Variants in MYO3B observed in about 807,000 individuals in gnomAD.
The protein encoded by MYO3B is myosin-IIIb.
MYO3B carries 156 observed loss-of-function variants against 174.6 expected under a neutral mutation model. The observed-to-expected ratio is 0.89, with a 90% CI of 0.78 to 1.02. The LOEUF (loss-of-function observed/expected upper bound fraction) is 1.02. MYO3B is among the 50% of genes least tolerant of loss of function. MYO3B has a pLI of 0.00. For missense variants in MYO3B, 1,632 were observed against 1,639.4 expected, an observed-to-expected ratio of 1.00 and a Z score of 0.08; for synonymous variants, 563 against 569.1, an observed-to-expected ratio of 0.99 and a Z score of 0.15.
chr2:170,408,927 G>A (rs1169289646), intron 22 of MYO3B, among the ~76,000 whole-genome samples: 1 of 152,114 alleles, frequency 6.6e-6, no homozygotes, highest in Non-Finnish European at 1.5e-5. Flanking sequence ...GAGCAGCCGG[G>A]GTTTAATTCA....
chr2:170,185,493 A>G (rs903414305), intron 1 of MYO3B, among the ~76,000 whole-genome samples: 7 of 152,108 alleles, frequency 4.6e-5, no homozygotes, highest in African/African-American at 1.7e-4. Flanking sequence ...ATTCTGTCCT[A>G]TTGGTCTATA....
At chr2:170,390,391 GC>G (rs1177707866) in intron 14 of MYO3B, among the ~76,000 whole-genome samples, 1 of 152,196 alleles carries the variant, frequency 6.6e-6, no homozygotes, top group African/African-American at 2.4e-5. Flanking sequence ...CCTCACCACT[GC>G]ACTCCAGCCT....
At chr2:170,480,791 G>A (rs1685641635) in intron 25 of MYO3B, among the ~76,000 whole-genome samples, 1 of 152,200 alleles carries the variant, frequency 6.6e-6, no homozygotes, top group African/African-American at 2.4e-5. Flanking sequence ...ACACACATTT[G>A]GTCATAGAAG....
chr2:170,606,979 C>T (rs905385957), intron 32 of MYO3B, among the ~76,000 whole-genome samples: 7 of 152,092 alleles, frequency 4.6e-5, no homozygotes, highest in Non-Finnish European at 5.9e-5. Flanking sequence ...CAGATAGCGC[C>T]ATTGCACTCC....
rs116468907 is a variant in MYO3B, at chr2:170,187,190, T to C, written c.2+8901T>C. ...CTGATCTTTATTATTTCTTTTCTTA[T>C]AGTAATTTTGGTTTTGGTTTGCTCT... is the stretch of plus-strand genomic sequence containing the variant. On this transcript the variant is annotated intron_variant, in intron 1 of 34. Transcript: ENST00000408978. Among the ~76,000 whole-genome samples, 465 of 152,204 alleles carry C rather than the reference T, an allele frequency of 3.1e-3. 1 individual carries two copies. The highest frequency in any genetic ancestry group is 0.01 in the African/African-American group (428 of 41,544).
intron 3 of MYO3B, 107 bp from the exon 4 acceptor site, chr2:170,214,272 A>G: frequency 1.2e-6 from 1 of 810,680 alleles, no homozygotes; most frequent in Non-Finnish European, 2.0e-6. Context: ...GTAATCTGCA[A>G]ATTTACTACA....
chr2:170,536,109 G>C (rs547421287), intron 30 of MYO3B, among the ~76,000 whole-genome samples: 10 of 152,188 alleles, frequency 6.6e-5, no homozygotes, highest in Non-Finnish European at 1.0e-4. Flanking sequence ...GGAGGGAAAA[G>C]AAAACAAATG....
intron 32 of MYO3B, among the ~76,000 whole-genome samples, chr2:170,637,455 G>A (rs566381619): frequency 2.9e-4 from 44 of 152,230 alleles, no homozygotes; most frequent in Non-Finnish European, 5.0e-4. Context: ...TTACAGGTGT[G>A]AGCCACCACG....
Position 170,528,828 on chromosome 2 carries a change from G to A in MYO3B, c.3575+9288G>A, listed in dbSNP as rs1689161151. 3.9e-5 allele frequency among the ~76,000 whole-genome samples: 6 copies of A among 152,102 alleles called. No individual in the cohort carries two copies. In the South Asian group the frequency reaches 1.2e-3, roughly 31 times the overall value. ...GAAGTCACATCATCATCCCCATCAA[G>A]GCCTTCAATGTGATCACCTGTGGAC... On this transcript the variant is annotated intron_variant, in intron 30 of 34. Transcript: ENST00000408978.
At chr2:170,375,347 C>T (rs2094283560) in intron 9 of MYO3B, among the ~76,000 whole-genome samples, 1 of 152,152 alleles carries the variant, frequency 6.6e-6, no homozygotes, top group Non-Finnish European at 1.5e-5. Flanking sequence ...ACTCGATTGT[C>T]TCTGCCACGA....
chr2:170,296,023 A>C (rs970527562), intron 7 of MYO3B, among the ~76,000 whole-genome samples: 1 of 152,182 alleles, frequency 6.6e-6, no homozygotes, highest in African/African-American at 2.4e-5. Context: ...TCCCTAGAAA[A>C]ATGGATAAAA....
intron 30 of MYO3B, among the ~76,000 whole-genome samples, chr2:170,520,638 C>T (rs1006815673): frequency 6.6e-6 from 1 of 151,818 alleles, no homozygotes; most frequent in Non-Finnish European, 1.5e-5. Context: ...CCTGTTTAGC[C>T]ACAGGTTTGA....
intron 22 of MYO3B, among the ~76,000 whole-genome samples, chr2:170,422,248 G>T (rs1345046588): frequency 6.6e-6 from 1 of 152,128 alleles, no homozygotes. Flanking sequence ...TGTTGCCAAG[G>T]CTGGAGTACA....
intron 7 of MYO3B, among the ~76,000 whole-genome samples, chr2:170,304,728 A>G (rs1461520690): frequency 2.0e-5 from 3 of 151,584 alleles, no homozygotes; most frequent in Admixed American, 6.6e-5. Context: ...CAGCCACCCA[A>G]AGTACTGGGA....
intron 7 of MYO3B, among the ~76,000 whole-genome samples, chr2:170,335,148 T>C (rs1180166591): frequency 6.6e-6 from 1 of 152,176 alleles, no homozygotes; most frequent in Non-Finnish European, 1.5e-5. Flanking sequence ...TCCTGATCTT[T>C]GTAACTTTCA....
At chr2:170,626,493 G>A (rs1238067759) in intron 32 of MYO3B, among the ~76,000 whole-genome samples, 1 of 152,166 alleles carries the variant, frequency 6.6e-6, no homozygotes, top group South Asian at 2.1e-4. Context: ...GATGGGTCTT[G>A]ACTTTTCATC....
At chr2:170,266,276 G>A (rs959742359) in intron 7 of MYO3B, among the ~76,000 whole-genome samples, 1 of 152,116 alleles carries the variant, frequency 6.6e-6, no homozygotes, top group Non-Finnish European at 1.5e-5. Context: ...AATGGATTGA[G>A]TGCCTACCTT....
chr2:170,248,104 G>A (rs1368659394), intron 7 of MYO3B, among the ~76,000 whole-genome samples: 1 of 152,098 alleles, frequency 6.6e-6, no homozygotes, highest in Non-Finnish European at 1.5e-5. Flanking sequence ...AAGCTCTTGT[G>A]TTCATGCTGC....
chr2:170,637,051 C>T (rs1697557442), intron 32 of MYO3B, among the ~76,000 whole-genome samples: 1 of 151,528 alleles, frequency 6.6e-6, no homozygotes, highest in Admixed American at 6.6e-5. Context: ...ATACCCATTT[C>T]TCAGCTTTGT....
Sources: allele counts gnomAD v4.1 joint callset (sites outside exome capture counted in the v4.1 genomes callset), GRCh38; gene constraint gnomAD v4.1.1; transcripts MANE v1.5; gene names NCBI Gene and HGNC (gene_info 2026-07-23, HGNC 2026-07-21).